The following CTDSP2 variants were observed in gnomAD, a reference collection of about 807,000 sequenced individuals.
The protein encoded by CTDSP2 is carboxy-terminal domain RNA polymerase II polypeptide A small phosphatase 2.
CTDSP2 carries 9 observed loss-of-function variants against 31.6 expected under a neutral mutation model. The ratio of observed to expected loss-of-function variants is 0.28; its 90% CI spans 0.17 to 0.50. The LOEUF (loss-of-function observed/expected upper bound fraction) is 0.50, where lower values mean the gene tolerates loss of function less well. Ranked by LOEUF, CTDSP2 falls within the 20% of genes least tolerant of loss-of-function variation. The pLI is 0.98. For synonymous variants in CTDSP2, 134 were observed against 134.5 expected (o/e 1.00, Z 0.03); for missense variants, 267 against 348.5 (o/e 0.77, Z 1.86).
intron 2 of CTDSP2, 31 bp from the exon 3 acceptor site, chr12:57,827,621 T>C (rs771329077): frequency 1.9e-6 from 3 of 1,606,098 alleles, no homozygotes; most frequent in South Asian, 2.2e-5. Context: ...GTCAGTGCCA[T>C]CTCACTGCCT....
chr12:57,836,109 C>T (rs80027536), intron 1 of CTDSP2, among the ~76,000 whole-genome samples: 1,783 of 152,254 alleles, frequency 0.012, 9 homozygotes, highest in Middle Eastern at 0.048. Context: ...ACCATCATCA[C>T]GTGGATGAAG....
At chr12:57,830,798 G>C (rs546210175) in intron 1 of CTDSP2, among the ~76,000 whole-genome samples, 16 of 152,124 alleles carry the variant, frequency 1.1e-4, no homozygotes, top group Middle Eastern at 3.4e-3. Context: ...GCCCAGGCTG[G>C]AGTGCAATGG....
chr12:57,827,174 G>C, intron 3 of CTDSP2, 77 bp from the exon 4 acceptor site: 1 of 1,083,204 alleles, frequency 9.2e-7, no homozygotes, highest in Non-Finnish European at 1.4e-6. Context: ...TATGGGAAGA[G>C]CTGGGTTGTT....
rs1237196233 is a variant in CTDSP2 at position 57,822,980 on chromosome 12, C to T, written c.*622G>A. On this transcript the variant is annotated 3_prime_UTR_variant, in exon 8 of 8. Coordinates refer to ENST00000398073, the MANE Select transcript of CTDSP2 (RefSeq NM_005730.4). ...ATAGAAAAGGCCTATCCCAGGCACT[C>T]AGCCGGAGGCAAGCATAGCCTTTGG... 6.5e-6 allele frequency: 1 copy of T among 153,880 alleles called. No homozygotes were observed. The highest frequency in any genetic ancestry group is 2.4e-5 in the African/African-American group (1 of 41,462). 9.5% of individuals were successfully genotyped at this position (153,880 alleles called of 1,614,324 possible). A position where few individuals can be genotyped will look rare whatever the true frequency, so the allele number is the denominator to read the frequency against.
chr12:57,823,398 T>G lies in CTDSP2; in HGVS notation c.*204A>C, dbSNP rs916072191. On this transcript the variant is annotated 3_prime_UTR_variant, in exon 8 of 8. Transcript: ENST00000398073. ...ACAGTCAAACACACATCTCAACAAG[T>G]TGGCGGCAGGTAGCTCTGGGTATCA... The G allele has an allele frequency of 6.7e-6, 4 of 598,166 alleles. No homozygotes were observed. The highest frequency in any genetic ancestry group is 3.0e-6 in the Non-Finnish European group (1 of 338,200). The allele number at this position is 598,166 out of a possible 1,614,324, so 37.1% of individuals were successfully genotyped here.
Position 57,824,322 on chromosome 12 carries a change from G to A in CTDSP2, c.412-3C>T. 1 of 1,611,790 alleles carries A rather than the reference G, an allele frequency of 6.2e-7. No individual in the cohort carries two copies. The highest frequency in any genetic ancestry group is 1.1e-5 in the South Asian group (1 of 90,982). On this transcript the variant is annotated splice_region_variant and splice_polypyrimidine_tract_variant and intron_variant, in intron 5 of 7. Coordinates refer to ENST00000398073, the MANE Select transcript of CTDSP2 (RefSeq NM_005730.4). ...TAAGGCCTCTTGAGCACATACACCT[G>A]AGGAAGAGCAGAGCAGCCTGTTGGA...
intron 1 of CTDSP2, among the ~76,000 whole-genome samples, chr12:57,838,831 AG>A (rs1956263665): frequency 6.6e-6 from 1 of 152,248 alleles, no homozygotes; most frequent in African/African-American, 2.4e-5. Flanking sequence ...CAGGGAGCTC[AG>A]GGAGTGTCCT....
intron 1 of CTDSP2, among the ~76,000 whole-genome samples, chr12:57,831,939 AC>A (rs1401276610): frequency 6.6e-6 from 1 of 152,302 alleles, no homozygotes; most frequent in South Asian, 2.1e-4. Context: ...GGCTGCCAGT[AC>A]CCCCTGGAGA....
At chr12:57,829,373 G>T in intron 2 of CTDSP2, 75 bp downstream of exon 2, 2 of 1,532,236 alleles carry the variant, frequency 1.3e-6, no homozygotes, top group South Asian at 1.2e-5. Flanking sequence ...TTCCTTGTCC[G>T]GTTGCCATCG....
At chr12:57,846,342 C>G in intron 1 of CTDSP2, 30 bp downstream of exon 1, 2 of 1,589,344 alleles carry the variant, frequency 1.3e-6, no homozygotes, top group Non-Finnish European at 1.7e-6. Flanking sequence ...CCGGGGGCGA[C>G]GCAAAGTTTT....
intron 1 of CTDSP2, among the ~76,000 whole-genome samples, chr12:57,833,689 G>C (rs1956230127): frequency 6.6e-6 from 1 of 152,180 alleles, no homozygotes; most frequent in Non-Finnish European, 1.5e-5. Context: ...GGGCCTCCAG[G>C]GCCTGTCATG....
intron 1 of CTDSP2, among the ~76,000 whole-genome samples, chr12:57,834,017 T>C (rs1956231976): frequency 6.6e-6 from 1 of 152,170 alleles, no homozygotes; most frequent in Non-Finnish European, 1.5e-5. Context: ...GTCATGCAGG[T>C]AGTATGACAG....
At chr12:57,830,242 A>G (rs1470190248) in intron 1 of CTDSP2, among the ~76,000 whole-genome samples, 2 of 152,116 alleles carry the variant, frequency 1.3e-5, no homozygotes, top group East Asian at 1.9e-4. Flanking sequence ...AAAATTAGCC[A>G]GGTGAGGTGG....
intron 1 of CTDSP2, chr12:57,842,588 A>C (rs1956289231): frequency 6.6e-6 from 1 of 152,260 alleles, no homozygotes; most frequent in African/African-American, 2.4e-5. Flanking sequence ...TTTTGGGGAC[A>C]GGAGCAAACA....
chr12:57,844,060 T>C (rs1179929875), intron 1 of CTDSP2, among the ~76,000 whole-genome samples: 3 of 152,238 alleles, frequency 2.0e-5, no homozygotes, highest in African/African-American at 7.2e-5. Context: ...CCAAGCGTGA[T>C]GGCGCGCGCC....
At chr12:57,845,290 CGCT>C (rs1182414306) in intron 1 of CTDSP2, 1 of 152,234 alleles carries the variant, frequency 6.6e-6, no homozygotes, top group Non-Finnish European at 1.5e-5. Context: ...GAAAATCTGC[CGCT>C]ATTTTGGACA....
chr12:57,829,354 A>G, intron 2 of CTDSP2, 94 bp downstream of exon 2: 1 of 1,442,414 alleles, frequency 6.9e-7, no homozygotes, highest in Non-Finnish European at 9.6e-7. Flanking sequence ...TTGCAACTTC[A>G]GGCAAAGCTT....
At chr12:57,828,876 C>A (rs1385741333) in intron 2 of CTDSP2, among the ~76,000 whole-genome samples, 1 of 152,210 alleles carries the variant, frequency 6.6e-6, no homozygotes, top group East Asian at 1.9e-4. Flanking sequence ...CCCACAAAAT[C>A]CCAAATGCCT....
At position 57,821,586 on chromosome 12, in the gene CTDSP2, C is replaced by G. The variant is rs1182827177; in HGVS notation, c.*2016G>C. Reference sequence around the variant, plus strand: ...CTTAGGGTGGGGCTTGGAAGAGAGGCCCCTCCTGCAATATTAGGATAGCAG... The same window carrying G: ...CTTAGGGTGGGGCTTGGAAGAGAGGGCCCTCCTGCAATATTAGGATAGCAG... On this transcript the variant is annotated 3_prime_UTR_variant, in exon 8 of 8. Transcript: ENST00000398073. 6.6e-6 allele frequency: 1 copy of G among 152,502 alleles called. No homozygotes were observed. Among genetic ancestry groups the G allele is most frequent in the Non-Finnish European group, 1.5e-5 (1 of 68,064 alleles). 9.4% of individuals were successfully genotyped at this position (152,502 alleles called of 1,614,324 possible).
Sources: gnomAD v4.1 joint callset for allele counts (sites outside exome capture counted in the v4.1 genomes callset) on GRCh38, gnomAD v4.1.1 for gene constraint, MANE v1.5 for transcripts, NCBI Gene and HGNC (gene_info 2026-07-23, HGNC 2026-07-21) for gene names.